F8: variants seen among roughly 807,000 people sequenced by gnomAD.
The protein encoded by F8 is antihemophilic factor.
A neutral mutation model predicts 140.6 loss-of-function variants in F8; 12 were observed. The ratio of observed to expected loss-of-function variants is 0.09; its 90% CI spans 0.05 to 0.14. The LOEUF is 0.14. Among genes scored for constraint, F8 ranks in the 10% least tolerant of loss-of-function variants. The pLI, the probability that F8 is intolerant of heterozygous loss-of-function variation, is 1.00. For synonymous variants in F8, 585 were observed against 614.6 expected (o/e 0.95, Z 0.71); for missense variants, 1,354 against 1,720.7 (o/e 0.79, Z 3.77).
chrX:154,876,781 A>G (rs1464683628), intron 22 of F8, among the ~76,000 whole-genome samples: 1 of 111,080 alleles, frequency 9.0e-6, no homozygotes, highest in African/African-American at 3.3e-5. Flanking sequence ...GTGCAAAATC[A>G]TTTGTAGAAA....
chrX:155,000,718 TGGAAAA>T (rs782757541), intron 1 of F8, among the ~76,000 whole-genome samples: 1 of 112,021 alleles, frequency 8.9e-6, no homozygotes, highest in South Asian at 3.7e-4. Flanking sequence ...GACATAAACA[TGGAAAA>T]GGAGAGATTT....
At chrX:154,920,607 C>G (rs1557277486) in intron 14 of F8, among the ~76,000 whole-genome samples, 1 of 110,001 alleles carries the variant, frequency 9.1e-6, no homozygotes, top group East Asian at 2.8e-4. Context: ...CATGCACCAC[C>G]ATGCTTTACT....
At chrX:154,896,316 A>C (rs1332062840) in intron 21 of F8, 84 bp from the exon 22 acceptor site, 10 of 998,644 alleles carry the variant, frequency 1.0e-5, no homozygotes, top group Non-Finnish European at 1.4e-5. Flanking sequence ...CTTAGGAAGA[A>C]TCTACATTGC....
At chrX:154,884,484 AG>A in intron 22 of F8, 1 of 4,369 alleles carries the variant, frequency 2.3e-4, no homozygotes, top group Non-Finnish European at 4.2e-4. Flanking sequence ...GGGCGGGGGC[AG>A]GGGGTGTGTG....
chrX:154,941,744 A>G (rs1344576311), intron 13 of F8, among the ~76,000 whole-genome samples: 2 of 109,526 alleles, frequency 1.8e-5, no homozygotes, highest in Admixed American at 9.8e-5. Flanking sequence ...CACCTATTCC[A>G]AAATTGACCA....
At chrX:154,942,538 C>T (rs1324994659) in intron 13 of F8, among the ~76,000 whole-genome samples, 3 of 103,353 alleles carry the variant, frequency 2.9e-5, no homozygotes, top group East Asian at 6.0e-4. Context: ...GCTTACCAAC[C>T]GAAAAGAGTC....
At chrX:154,981,181 C>A (rs2073517946) in intron 6 of F8, among the ~76,000 whole-genome samples, 1 of 110,931 alleles carries the variant, frequency 9.0e-6, no homozygotes, top group Non-Finnish European at 1.9e-5. Flanking sequence ...GGTGGGGTCT[C>A]AGTCATAAAG....
intron 24 of F8, 87 bp from the exon 25 acceptor site, chrX:154,860,695 C>T (rs2148566685): frequency 1.1e-6 from 1 of 880,779 alleles, no homozygotes; most frequent in South Asian, 2.0e-5. Context: ...TACCACAGCA[C>T]TTCTCACTCT....
Position 154,902,142 on chromosome X carries a change from T to C in F8, c.6024A>G (p.Leu2008=), listed in dbSNP as rs1557276004. ...CCCGCCAAATTCCAGCTTTGGATGG[T>C]AACATTTCCACTGTCTCAAAAACAC... ...YPGVFETVEM[L]PSKAGIWRVE... is the part of the protein sequence containing the mutation. Residue 2008 remains leucine, a synonymous_variant, in exon 19 of 26, where the codon TTA becomes TTG. Coordinates refer to ENST00000360256, the MANE Select transcript of F8 (RefSeq NM_000132.4). 1 of 1,206,982 alleles carries C rather than the reference T, an allele frequency of 8.3e-7. No individual in the cohort carries two copies. Among genetic ancestry groups the C allele is most frequent in the South Asian group, 1.8e-5 (1 of 56,878 alleles).
chrX:155,001,512 A>G lies in F8; in HGVS notation c.144-1912T>C, dbSNP rs1440687741. 2.7e-5 allele frequency among the ~76,000 whole-genome samples: 3 copies of G among 109,228 alleles called. No individual in the cohort carries two copies. In the East Asian group the frequency reaches 8.7e-4, roughly 32 times the overall value. 94.9% of individuals were successfully genotyped at this position (109,228 alleles called of 115,157 possible). On this transcript the variant is annotated intron_variant, in intron 1 of 25. Transcript: ENST00000360256. ...ACCATGTTGCCCAGGCTGGTGTCAC[A>G]CTCCTGGGCTCAAGCAATCCACCCT...
intron 25 of F8, among the ~76,000 whole-genome samples, chrX:154,859,105 C>T (rs782757606): frequency 1.8e-5 from 2 of 111,130 alleles, no homozygotes; most frequent in Admixed American, 1.9e-4. Flanking sequence ...TGCCTTTGGA[C>T]TGGAACATCA....
chrX:154,866,114 A>C (rs2072729758), intron 22 of F8, among the ~76,000 whole-genome samples: 1 of 111,901 alleles, frequency 8.9e-6, no homozygotes, highest in Non-Finnish European at 1.9e-5. Context: ...TTGTATGAGA[A>C]AAAATAGTCT....
intron 7 of F8, 72 bp from the exon 8 acceptor site, chrX:154,966,759 A>T: frequency 3.6e-6 from 4 of 1,117,990 alleles, no homozygotes; most frequent in Non-Finnish European, 4.9e-6. Context: ...GAGACTAGGT[A>T]ATTTATAAAG....
chrX:154,958,589 C>T (rs12389843), intron 10 of F8, among the ~76,000 whole-genome samples: 1,315 of 111,509 alleles, frequency 0.012, 19 homozygotes, highest in African/African-American at 0.036. Context: ...GAATTCTTAT[C>T]GGCAATAATG....
Position 154,861,718 on chromosome X carries a change from C to T in F8, c.6723G>A (p.Gln2241=). Residue 2241 remains glutamine (Q), a splice_region_variant and synonymous_variant, in exon 24 of 26, where the codon CAG becomes CAA. Coordinates refer to ENST00000360256, the MANE Select transcript of F8 (RefSeq NM_000132.4). ...LQGRSNAWRP[Q]VNNPKEWLQV... Reference sequence around the variant, plus strand: ...AAACAGTAAATCTGTTGCCTCTTACCTGAGGTCTCCAGGCATTACTCCTCC... The same window carrying T: ...AAACAGTAAATCTGTTGCCTCTTACTTGAGGTCTCCAGGCATTACTCCTCC... 5 of 1,211,657 alleles carry T rather than the reference C, an allele frequency of 4.1e-6. No homozygotes were observed. The South Asian group carries it at 8.8e-5, about 21-fold the overall frequency.
chrX:154,907,983 A>AT (rs2073046824), intron 14 of F8, among the ~76,000 whole-genome samples: 1 of 111,034 alleles, frequency 9.0e-6, no homozygotes, highest in South Asian at 3.7e-4. Context: ...ATAAAAAAAA[A>AT]CCTTATTGGC....
intron 23 of F8, 152 bp from the exon 24 acceptor site, chrX:154,862,018 T>A: frequency 1.5e-6 from 1 of 672,852 alleles, no homozygotes; most frequent in South Asian, 2.6e-5. Context: ...GGTTTTTTGT[T>A]TTGTTTTGTT....
At chrX:154,847,049 G>C (rs1185592625) in intron 25 of F8, among the ~76,000 whole-genome samples, 2 of 111,055 alleles carry the variant, frequency 1.8e-5, no homozygotes, top group Non-Finnish European at 3.8e-5. Flanking sequence ...ATGAAGCTTA[G>C]TTTGGCTGGA....
At chrX:154,919,900 T>C (rs2073119863) in intron 14 of F8, 2 of 208,531 alleles carry the variant, frequency 9.6e-6, no homozygotes. Flanking sequence ...TAAGGGCGAC[T>C]CCTCAGCCTC....
Sources: gnomAD v4.1 joint callset for allele counts (sites outside exome capture counted in the v4.1 genomes callset) on GRCh38, gnomAD v4.1.1 for gene constraint, MANE v1.5 for transcripts, NCBI Gene and HGNC (gene_info 2026-07-23, HGNC 2026-07-21) for gene names.